Variants in PIK3R3 observed in about 807,000 individuals in gnomAD.
The protein encoded by PIK3R3 is phosphoinositide-3-kinase regulatory subunit 3.
PIK3R3 carries 64 observed loss-of-function variants against 62.9 expected under a neutral mutation model. The observed-to-expected ratio is 1.02, with a 90% CI of 0.83 to 1.25. PIK3R3 has a LOEUF of 1.25. Ranked by LOEUF, PIK3R3 falls within the 50% of genes most tolerant of loss-of-function variation. The probability of loss-of-function intolerance (pLI) is 0.00; values close to 1 mark genes in which losing one functional copy is unlikely to be tolerated. For synonymous variants in PIK3R3, 165 were observed against 189.0 expected, an observed-to-expected ratio of 0.87 and a Z score of 1.04; for missense variants, 614 against 561.6, an observed-to-expected ratio of 1.09 and a Z score of -0.94.
At chr1:46,063,591 G>C (rs530130392) in intron 5 of PIK3R3, among the ~76,000 whole-genome samples, 1 of 152,160 alleles carries the variant, frequency 6.6e-6, no homozygotes, top group Admixed American at 6.5e-5. Context: ...AACAGCAAAG[G>C]GAAAAGTATT....
intron 1 of PIK3R3, among the ~76,000 whole-genome samples, chr1:46,086,643 T>C (rs1651082981): frequency 1.3e-5 from 2 of 151,818 alleles, no homozygotes; most frequent in African/African-American, 4.8e-5. Flanking sequence ...GAGGTTACAG[T>C]GAGCCGAGAT....
chr1:46,172,139 C>A, the PIK3R3 span, among the ~76,000 whole-genome samples: 3 of 152,320 alleles, frequency 2.0e-5, no homozygotes, highest in Non-Finnish European at 4.4e-5. Flanking sequence ...TGGCCTGCTC[C>A]TCCTGCACCT....
chr1:46,133,940 C>T (rs1273683337), upstream of PIK3R3, among the ~76,000 whole-genome samples: 1 of 152,160 alleles, frequency 6.6e-6, no homozygotes, highest in African/African-American at 2.4e-5. Context: ...ATACTCATTC[C>T]CACCCCCAAA....
At chr1:46,161,815 A>G in the PIK3R3 span, among the ~76,000 whole-genome samples, 13 of 152,250 alleles carry the variant, frequency 8.5e-5, no homozygotes, top group African/African-American at 2.4e-4. Context: ...TCTTCAGGCC[A>G]GGCACGGTGG....
In PIK3R3 at chr1:46,043,587, T is replaced by C; in HGVS notation, c.*86A>G. The C allele has an allele frequency of 3.4e-6, 4 of 1,168,606 alleles. No homozygotes were observed. In the South Asian group the frequency reaches 5.3e-5, roughly 15 times the overall value. 72.4% of individuals were successfully genotyped at this position (1,168,606 alleles called of 1,614,324 possible). A position where few individuals can be genotyped will look rare whatever the true frequency, so the allele number is the denominator to read the frequency against. On this transcript the variant is annotated 3_prime_UTR_variant, in exon 10 of 10. Transcript: ENST00000262741. ...ATCACTTCTTGTGCAAAACAAGCAG[T>C]CTATGTAGAAAGAATGCCCTCATCG...
At chr1:46,076,551 T>C (rs141104036) in intron 3 of PIK3R3, among the ~76,000 whole-genome samples, 1 of 152,190 alleles carries the variant, frequency 6.6e-6, no homozygotes, top group Non-Finnish European at 1.5e-5. Flanking sequence ...ACAATTCAAG[T>C]GCAAAGGTAT....
chr1:46,118,128 C>T (rs1435890303), intron 1 of PIK3R3, among the ~76,000 whole-genome samples: 3 of 152,100 alleles, frequency 2.0e-5, no homozygotes, highest in African/African-American at 7.2e-5. Flanking sequence ...ATATAAATAG[C>T]TTTGGCATTA....
chr1:46,078,264 G>T (rs1343590192), intron 2 of PIK3R3, among the ~76,000 whole-genome samples: 1 of 152,212 alleles, frequency 6.6e-6, no homozygotes, highest in Non-Finnish European at 1.5e-5. Context: ...ATGGCTGGGT[G>T]CAGTGGCTCA....
intron 1 of PIK3R3, among the ~76,000 whole-genome samples, chr1:46,111,138 T>C (rs1420663040): frequency 6.6e-6 from 1 of 152,150 alleles, no homozygotes; most frequent in Non-Finnish European, 1.5e-5. Flanking sequence ...GTACCTGCTA[T>C]ATGCCAGATA....
At chr1:46,161,899 T>C in the PIK3R3 span, among the ~76,000 whole-genome samples, 21 of 151,356 alleles carry the variant, frequency 1.4e-4, no homozygotes, top group East Asian at 3.4e-3. Flanking sequence ...GAGACCATCC[T>C]GGCTAACATG....
intron 1 of PIK3R3, among the ~76,000 whole-genome samples, chr1:46,112,374 T>G (rs1186411570): frequency 6.6e-6 from 1 of 152,210 alleles, no homozygotes; most frequent in Non-Finnish European, 1.5e-5. Context: ...ATTCAGGCTG[T>G]TTTTAGTAGC....
intron 7 of PIK3R3, among the ~76,000 whole-genome samples, chr1:46,049,164 T>TAA (rs57804445): frequency 9.6e-4 from 132 of 136,954 alleles, no homozygotes; most frequent in African/African-American, 2.7e-3. Context: ...AATCTCTTCT[T>TAA]AAAAAAAAAA....
At chr1:46,067,119 A>AT (rs745572630) in intron 3 of PIK3R3, 28 bp from the exon 4 acceptor site, 14 of 1,500,470 alleles carry the variant, frequency 9.3e-6, no homozygotes, top group African/African-American at 1.4e-5. Flanking sequence ...ACAACTGTGG[A>AT]TTTTTTTCCC....
chr1:46,053,083 G>A (rs1353880394), intron 7 of PIK3R3, among the ~76,000 whole-genome samples: 1 of 152,208 alleles, frequency 6.6e-6, no homozygotes, highest in African/African-American at 2.4e-5. Context: ...TTCTCTGTTA[G>A]AAACATCAAA....
In PIK3R3 at chr1:46,045,616, G is replaced by GTTTTTTTTTTTTT. The variant is rs1357786582; in HGVS notation, c.1187+301_1187+302insAAAAAAAAAAAAA. On this transcript the variant is annotated intron_variant, in intron 9 of 9. Transcript: ENST00000262741. Reference sequence around the variant, plus strand: ...ATAGGATACTACTAAACAATTAAGTGCTTTTTTTTTTTTTTTTTTTTTTTT... The same window carrying GTTTTTTTTTTTTT: ...ATAGGATACTACTAAACAATTAAGTGTTTTTTTTTTTTTCTTTTTTTTTTTTTTTTTTTTTTTT... Among the ~76,000 whole-genome samples, 6 of 16,516 alleles carry GTTTTTTTTTTTTT rather than the reference G, an allele frequency of 3.6e-4. 1 individual carries two copies. The highest frequency in any genetic ancestry group is 1.3e-3 in the Admixed American group (2 of 1,504). 10.8% of individuals were successfully genotyped at this position (16,516 alleles called of 152,430 possible).
intron 1 of PIK3R3, among the ~76,000 whole-genome samples, chr1:46,107,320 T>A (rs1653314145): frequency 6.6e-6 from 1 of 152,086 alleles, no homozygotes; most frequent in East Asian, 1.9e-4. Flanking sequence ...ATCATGCCAC[T>A]GCACTCCAGC....
chr1:46,077,863 A>G (rs1650214050), intron 2 of PIK3R3, among the ~76,000 whole-genome samples: 1 of 152,202 alleles, frequency 6.6e-6, no homozygotes, highest in Non-Finnish European at 1.5e-5. Context: ...CAGATTTCAA[A>G]TGTGTGTAAG....
chr1:46,043,898 G>C (rs1345362155), intron 9 of PIK3R3, 27 bp from the exon 10 acceptor site: 2 of 1,579,390 alleles, frequency 1.3e-6, no homozygotes, highest in Non-Finnish European at 1.7e-6. Context: ...CAGAAGAAAT[G>C]TTAAGGTAGG....
the PIK3R3 span, among the ~76,000 whole-genome samples, chr1:46,138,526 G>A: frequency 6.6e-6 from 1 of 152,198 alleles, no homozygotes. Flanking sequence ...TAGGTGTGGT[G>A]GTGTGCTCCT....
Sources: gnomAD v4.1 joint callset for allele counts (sites outside exome capture counted in the v4.1 genomes callset) on GRCh38, gnomAD v4.1.1 for gene constraint, MANE v1.5 for transcripts, NCBI Gene and HGNC (gene_info 2026-07-23, HGNC 2026-07-21) for gene names.